The following RALGAPA2 variants were observed in gnomAD, a reference collection of about 807,000 sequenced individuals.
RALGAPA2 encodes Ral GTPase activating protein catalytic subunit alpha 2.
In RALGAPA2, 139 loss-of-function variants were observed where a neutral mutation model predicts 230.4. The ratio of observed to expected loss-of-function variants is 0.60; its 90% CI spans 0.53 to 0.69. RALGAPA2 has a LOEUF of 0.69. RALGAPA2 is among the 30% of genes least tolerant of loss of function. The pLI is 0.00. For missense variants in RALGAPA2, 2,163 were observed against 2,276.0 expected (o/e 0.95, Z 1.01); for synonymous variants, 847 against 837.8 (o/e 1.01, Z -0.19).
chr20:20,655,681 G>C (rs1427518201), intron 3 of RALGAPA2, among the ~76,000 whole-genome samples: 1 of 152,184 alleles, frequency 6.6e-6, no homozygotes, highest in Non-Finnish European at 1.5e-5. Flanking sequence ...GTTCCAGCTG[G>C]AGGTGAACTG....
At chr20:20,393,853 G>A (rs2059649257) in intron 39 of RALGAPA2, among the ~76,000 whole-genome samples, 1 of 152,170 alleles carries the variant, frequency 6.6e-6, no homozygotes, top group Non-Finnish European at 1.5e-5. Context: ...CTTCCCCAGG[G>A]CTGCTGTCGG....
chr20:20,581,923 CTT>C (rs923427982), intron 20 of RALGAPA2, among the ~76,000 whole-genome samples: 1 of 152,004 alleles, frequency 6.6e-6, no homozygotes, highest in African/African-American at 2.4e-5. Flanking sequence ...TAACATGTTA[CTT>C]TGTGGTGGTT....
chr20:20,406,388 A>C (rs2059946109), intron 38 of RALGAPA2, among the ~76,000 whole-genome samples: 1 of 152,230 alleles, frequency 6.6e-6, no homozygotes, highest in Non-Finnish European at 1.5e-5. Context: ...TACATCTTAA[A>C]TTGGAAAAAA....
chr20:20,425,228 T>C (rs1360390042), intron 37 of RALGAPA2, among the ~76,000 whole-genome samples: 1 of 152,216 alleles, frequency 6.6e-6, no homozygotes, highest in Non-Finnish European at 1.5e-5. Context: ...TTGTTACCTA[T>C]AAACAATCTC....
intron 14 of RALGAPA2, among the ~76,000 whole-genome samples, chr20:20,608,732 A>G (rs1053499900): frequency 6.6e-5 from 10 of 152,212 alleles, no homozygotes; most frequent in African/African-American, 2.4e-4. Context: ...GACCCTTAGT[A>G]TTCTTGCCTC....
chr20:20,557,585 T>C (rs960487122), intron 23 of RALGAPA2, among the ~76,000 whole-genome samples: 2 of 152,194 alleles, frequency 1.3e-5, no homozygotes, highest in African/African-American at 4.8e-5. Flanking sequence ...AAGGGCATAG[T>C]AAAGATTTAA....
chr20:20,472,906 C>T lies in RALGAPA2; in HGVS notation c.5418G>A (p.Leu1806=). ...LFDGAIVSGK[L]LPSLVCATCI... is the part of the protein sequence containing the mutation. Reference sequence around the variant, plus strand: ...ACGTGGCACATACAAGGCTTGGCAGCAGCTTCCCACTCACTATGGCTCCAT... The same window carrying T: ...ACGTGGCACATACAAGGCTTGGCAGTAGCTTCCCACTCACTATGGCTCCAT... Residue 1806 remains leucine, a synonymous_variant, in exon 37 of 40, where the codon CTG becomes CTA. Coordinates refer to ENST00000202677, the MANE Select transcript of RALGAPA2 (RefSeq NM_020343.4). 6.2e-7 allele frequency: 1 copy of T among 1,613,538 alleles called. No homozygotes were observed. Among genetic ancestry groups the T allele is most frequent in the East Asian group, 2.2e-5 (1 of 44,862 alleles).
At chr20:20,579,439 G>C (rs2064918372) in intron 20 of RALGAPA2, among the ~76,000 whole-genome samples, 1 of 152,092 alleles carries the variant, frequency 6.6e-6, no homozygotes. Flanking sequence ...CAAGATGCTA[G>C]ATAACATTTC....
intron 23 of RALGAPA2, among the ~76,000 whole-genome samples, chr20:20,550,607 G>A (rs1602748628): frequency 6.6e-6 from 1 of 152,124 alleles, no homozygotes; most frequent in East Asian, 1.9e-4. Context: ...AGTGAGAAAC[G>A]GCCCTGCACT....
At chr20:20,506,951 C>T (rs2062553716) in intron 33 of RALGAPA2, among the ~76,000 whole-genome samples, 1 of 152,100 alleles carries the variant, frequency 6.6e-6, no homozygotes, top group Admixed American at 6.5e-5. Context: ...TTAGAAAATA[C>T]AGAAAGAAAA....
At chr20:20,395,641 C>A (rs2059698358) in intron 39 of RALGAPA2, among the ~76,000 whole-genome samples, 1 of 152,130 alleles carries the variant, frequency 6.6e-6, no homozygotes, top group African/African-American at 2.4e-5. Flanking sequence ...CGAGTGAGCC[C>A]AGTTTGGGAC....
chr20:20,452,408 G>C lies in RALGAPA2; in HGVS notation c.5495+20421C>G, dbSNP rs553366207. Reference sequence around the variant, plus strand: ...CGTGCATTAGCTGCAGAAGAGTTTTGCATCTTGTACGAATCCAGACACCAT... The same window carrying C: ...CGTGCATTAGCTGCAGAAGAGTTTTCCATCTTGTACGAATCCAGACACCAT... On this transcript the variant is annotated intron_variant, in intron 37 of 39. Coordinates refer to ENST00000202677, the MANE Select transcript of RALGAPA2 (RefSeq NM_020343.4). Among the ~76,000 whole-genome samples the C allele has an allele frequency of 5.3e-5, 8 of 152,324 alleles. No homozygotes were observed. The East Asian group carries it at 1.5e-3, about 29-fold the overall frequency.
At chr20:20,662,143 C>T (rs1427650343) in intron 3 of RALGAPA2, among the ~76,000 whole-genome samples, 1 of 152,126 alleles carries the variant, frequency 6.6e-6, no homozygotes, top group African/African-American at 2.4e-5. Context: ...AATCCAACAT[C>T]TATGAAACAT....
chr20:20,666,786 G>C (rs2067969021), intron 3 of RALGAPA2, among the ~76,000 whole-genome samples: 1 of 152,160 alleles, frequency 6.6e-6, no homozygotes, highest in Non-Finnish European at 1.5e-5. Flanking sequence ...GCCTGAATCT[G>C]TTGACTTGCC....
At chr20:20,672,602 C>T (rs2068174673) in intron 3 of RALGAPA2, among the ~76,000 whole-genome samples, 3 of 152,078 alleles carry the variant, frequency 2.0e-5, no homozygotes, top group African/African-American at 4.8e-5. Flanking sequence ...GAAGAAACAA[C>T]TGAAGAGACT....
intron 35 of RALGAPA2, among the ~76,000 whole-genome samples, chr20:20,501,108 A>G (rs1168542118): frequency 6.6e-6 from 1 of 152,212 alleles, no homozygotes; most frequent in East Asian, 1.9e-4. Flanking sequence ...TAAGGGCCCT[A>G]GAATTTGGGG....
chr20:20,692,657 T>C (rs953150965), intron 1 of RALGAPA2, among the ~76,000 whole-genome samples: 4 of 152,244 alleles, frequency 2.6e-5, no homozygotes, highest in African/African-American at 9.6e-5. Context: ...CTGATGAAGA[T>C]AGCTGAGAAA....
At chr20:20,482,171 T>C (rs1569434700) in intron 36 of RALGAPA2, among the ~76,000 whole-genome samples, 1 of 152,184 alleles carries the variant, frequency 6.6e-6, no homozygotes. Flanking sequence ...AATCTTTCTG[T>C]GTCAAAAGGG....
chr20:20,429,454 TG>T (rs2060457330), intron 37 of RALGAPA2, among the ~76,000 whole-genome samples: 1 of 152,182 alleles, frequency 6.6e-6, no homozygotes, highest in South Asian at 2.1e-4. Context: ...GAATAAATGG[TG>T]ACTTTCTAGC....
Sources: gnomAD v4.1 joint callset for allele counts (sites outside exome capture counted in the v4.1 genomes callset) on GRCh38, gnomAD v4.1.1 for gene constraint, MANE v1.5 for transcripts, NCBI Gene and HGNC (gene_info 2026-07-23, HGNC 2026-07-21) for gene names.